Variants in COBL observed in about 807,000 individuals in gnomAD.
COBL encodes protein cordon-bleu.
Under a neutral mutation model 98.8 loss-of-function variants are expected in COBL, and 51 were observed. The ratio of observed to expected loss-of-function variants is 0.52; its 90% CI spans 0.41 to 0.65. COBL has a LOEUF of 0.65. Ranked by LOEUF, COBL falls within the 30% of genes least tolerant of loss-of-function variation. The pLI is 0.00. For missense variants in COBL, 1,617 were observed against 1,617.5 expected (o/e 1.00, Z 0.01); for synonymous variants, 634 against 651.7 (o/e 0.97, Z 0.41).
chr7:51,175,264 A>T (rs1788260028), intron 5 of COBL, among the ~76,000 whole-genome samples: 1 of 152,212 alleles, frequency 6.6e-6, no homozygotes, highest in Non-Finnish European at 1.5e-5. Flanking sequence ...GCTGCTTTCT[A>T]CTGTTTATAA....
At chr7:51,222,161 C>T (rs1422107196) in intron 1 of COBL, among the ~76,000 whole-genome samples, 1 of 151,692 alleles carries the variant, frequency 6.6e-6, no homozygotes, top group Non-Finnish European at 1.5e-5. Flanking sequence ...TGCACCCCAG[C>T]CTGGGCAACA....
chr7:51,070,042 T>C (rs1419996460), intron 7 of COBL, among the ~76,000 whole-genome samples: 2 of 152,186 alleles, frequency 1.3e-5, no homozygotes, highest in Non-Finnish European at 2.9e-5. Flanking sequence ...TAAAAGTTTG[T>C]TATTTTCTTA....
At position 51,143,015 on chromosome 7, in the gene COBL, C is replaced by T. The variant is rs114034784; in HGVS notation, c.784-6684G>A. On this transcript the variant is annotated intron_variant, in intron 5 of 12. Transcript: ENST00000265136. ...GTGCATGGTGCAAACTTCATCAGGG[C>T]AGGTGGAGGAGGAAAAGTAAGAGGA... Among the ~76,000 whole-genome samples, 7 of 151,840 alleles carry T rather than the reference C, an allele frequency of 4.6e-5. No individual in the cohort carries two copies. The East Asian group carries it at 5.8e-4, about 13-fold the overall frequency.
chr7:51,121,842 A>G (rs140531789), intron 6 of COBL, among the ~76,000 whole-genome samples: 2 of 152,362 alleles, frequency 1.3e-5, no homozygotes, highest in African/African-American at 4.8e-5. Context: ...AAGGTGAGAG[A>G]AATAATGAAC....
chr7:51,296,422 T>A (rs923592502), intron 1 of COBL, among the ~76,000 whole-genome samples: 1 of 152,166 alleles, frequency 6.6e-6, no homozygotes, highest in African/African-American at 2.4e-5. Flanking sequence ...AATGAAGGCG[T>A]GCAATATTTT....
In COBL at chr7:51,096,402, C is replaced by T. The variant is rs114432773; in HGVS notation, c.958-11098G>A. 3.5e-3 allele frequency among the ~76,000 whole-genome samples: 536 copies of T among 152,050 alleles called. 1 individual carries two copies. Among genetic ancestry groups the T allele is most frequent in the African/African-American group, 0.011 (474 of 41,520 alleles). On this transcript the variant is annotated intron_variant, in intron 6 of 12. Transcript: ENST00000265136. ...AGAGGAAAGCTTGTAATAATAAACACCCATATGAAAAACAACGAAAGAGCT... is the reference window on the plus strand; with the variant it reads ...AGAGGAAAGCTTGTAATAATAAACATCCATATGAAAAACAACGAAAGAGCT...
rs752594292 is a variant in COBL, at chr7:51,028,959, G to C, written c.2137C>G (p.Pro713Ala). Residue 713 changes from proline (P) to alanine (A), a missense_variant, in exon 10 of 13, where the codon CCA (proline) becomes GCA (alanine). Physicochemically the swap from Pro to Ala is conservative, Grantham distance 27 (BLOSUM62 -1). Coordinates refer to ENST00000265136, the MANE Select transcript of COBL (RefSeq NM_015198.5). ...TCGTAACATCGCATCTCTGACTTTG[G>C]AGGAATGATTTTATACGTTGTGAGG... ...HGLTTYKIIP[P>A]KSEMRCYDRD... is the part of the protein sequence containing the mutation. The C allele has an allele frequency of 6.2e-6, 10 of 1,614,064 alleles. No homozygotes were observed. In the South Asian group the frequency reaches 9.9e-5, roughly 16 times the overall value.
At chr7:51,135,756 G>C (rs1406913236) in intron 6 of COBL, among the ~76,000 whole-genome samples, 1 of 152,184 alleles carries the variant, frequency 6.6e-6, no homozygotes, top group Non-Finnish European at 1.5e-5. Context: ...AGAATGAATG[G>C]ACTCTGAATT....
At chr7:51,045,218 A>G (rs1789578002) in intron 7 of COBL, among the ~76,000 whole-genome samples, 1 of 152,214 alleles carries the variant, frequency 6.6e-6, no homozygotes, top group Non-Finnish European at 1.5e-5. Flanking sequence ...TTGTATATAA[A>G]AAGTATGACA....
intron 6 of COBL, among the ~76,000 whole-genome samples, chr7:51,104,529 C>T (rs1458586345): frequency 6.6e-6 from 1 of 152,184 alleles, no homozygotes; most frequent in Non-Finnish European, 1.5e-5. Flanking sequence ...AAAATACTAC[C>T]TGCCTCCCTT....
chr7:51,027,594 G>A (rs1239869003), intron 10 of COBL, 118 bp downstream of exon 10: 1 of 830,854 alleles, frequency 1.2e-6, no homozygotes, highest in Non-Finnish European at 1.9e-6. Flanking sequence ...TGTGTGGTAA[G>A]CCTCACTGTT....
chr7:51,118,363 T>C (rs1421551705), intron 6 of COBL, among the ~76,000 whole-genome samples: 1 of 151,954 alleles, frequency 6.6e-6, no homozygotes, highest in African/African-American at 2.4e-5. Flanking sequence ...TGTGTTTCTA[T>C]CTGGAGGTTT....
In COBL at chr7:51,316,577, C is replaced by T. The variant is rs1045886711; in HGVS notation, c.41+16G>A. 83 of 1,208,266 alleles carry T rather than the reference C, an allele frequency of 6.9e-5. No homozygotes were observed. Among genetic ancestry groups the T allele is most frequent in the Non-Finnish European group, 8.1e-5 (79 of 972,770 alleles). The allele number at this position is 1,208,266 out of a possible 1,614,324, so 74.8% of individuals were successfully genotyped here. On this transcript the variant is annotated intron_variant, in intron 1 of 12. Coordinates refer to ENST00000265136, the MANE Select transcript of COBL (RefSeq NM_015198.5). ...GAAGCCCCCTCTCCACCCCGCCCGA[C>T]CGCGGGGCCGCTTACCCGGTCGGGG...
intron 5 of COBL, among the ~76,000 whole-genome samples, chr7:51,174,819 T>C (rs1397453123): frequency 2.6e-5 from 4 of 152,208 alleles, no homozygotes; most frequent in African/African-American, 9.6e-5. Flanking sequence ...AACCTGAAAG[T>C]GTGTCCTAGG....
intron 6 of COBL, among the ~76,000 whole-genome samples, chr7:51,135,653 A>G (rs1799161051): frequency 6.6e-6 from 1 of 152,222 alleles, no homozygotes; most frequent in Admixed American, 6.5e-5. Context: ...CTTTGAACCT[A>G]AAGACTAGCA....
At chr7:51,084,503 A>G (rs961006771) in intron 7 of COBL, among the ~76,000 whole-genome samples, 1 of 152,066 alleles carries the variant, frequency 6.6e-6, no homozygotes, top group African/African-American at 2.4e-5. Flanking sequence ...TTAAAAAGAA[A>G]ATGAACCCTT....
At chr7:51,296,456 TTTC>T (rs1456046027) in intron 1 of COBL, among the ~76,000 whole-genome samples, 1 of 152,206 alleles carries the variant, frequency 6.6e-6, no homozygotes, top group Admixed American at 6.5e-5. Context: ...TTGGCTTTAC[TTTC>T]TTCTTCTATT....
chr7:51,140,299 ACT>A (rs1583930240), intron 5 of COBL, among the ~76,000 whole-genome samples: 2 of 151,952 alleles, frequency 1.3e-5, no homozygotes, highest in East Asian at 1.9e-4. Flanking sequence ...ACAATGCAAA[ACT>A]CTCTGTGTCC....
intron 6 of COBL, among the ~76,000 whole-genome samples, chr7:51,102,178 T>C (rs948907699): frequency 2.0e-5 from 3 of 152,222 alleles, no homozygotes; most frequent in Admixed American, 1.3e-4. Flanking sequence ...ATATTTTCTA[T>C]AGCAGTGTGA....
Sources: allele counts gnomAD v4.1 joint callset (sites outside exome capture counted in the v4.1 genomes callset), GRCh38; gene constraint gnomAD v4.1.1; transcripts MANE v1.5; gene names NCBI Gene and HGNC (gene_info 2026-07-23, HGNC 2026-07-21).